The following ADAM19 variants were observed in gnomAD, a reference collection of about 807,000 sequenced individuals.
The protein encoded by ADAM19 is ADAM metallopeptidase domain 19.
Under a neutral mutation model 114.7 loss-of-function variants are expected in ADAM19, and 65 were observed. That is an observed-to-expected ratio of 0.57 (90% CI 0.46 to 0.70). The LOEUF is 0.70. Ranked by LOEUF, ADAM19 falls within the 30% of genes least tolerant of loss-of-function variation. The probability of loss-of-function intolerance (pLI) is 0.00; values close to 1 mark genes in which losing one functional copy is unlikely to be tolerated. For synonymous variants in ADAM19, 466 were observed against 460.5 expected, an observed-to-expected ratio of 1.01 and a Z score of -0.15; for missense variants, 1,063 against 1,204.7, an observed-to-expected ratio of 0.88 and a Z score of 1.74.
intron 8 of ADAM19, among the ~76,000 whole-genome samples, chr5:157,512,535 C>G (rs1258139262): frequency 6.6e-6 from 1 of 152,202 alleles, no homozygotes; most frequent in Non-Finnish European, 1.5e-5. Context: ...CTATATACTA[C>G]TAGCCTACCA....
rs1420557028 is a variant in ADAM19, at chr5:157,477,868, C to T, written c.*3081G>A. On this transcript the variant is annotated 3_prime_UTR_variant, in exon 23 of 23. Transcript: ENST00000257527. ...ACTATGGCAATACAAAAAAACACTC[C>T]AACCAGAAAATCAGCAAGTCTCAGA... 4.3e-6 allele frequency: 2 copies of T among 466,272 alleles called. No homozygotes were observed. The highest frequency in any genetic ancestry group is 7.3e-6 in the Non-Finnish European group (2 of 274,138). The allele number at this position is 466,272 out of a possible 1,614,324, so 28.9% of individuals were successfully genotyped here.
chr5:157,519,016 A>G, intron 6 of ADAM19, 128 bp from the exon 7 acceptor site: 1 of 780,216 alleles, frequency 1.3e-6, no homozygotes, highest in South Asian at 1.5e-5. Flanking sequence ...ATTCGGCACT[A>G]GAGATGTTCT....
chr5:157,534,030 CCTAT>C (rs1756695578), intron 4 of ADAM19, among the ~76,000 whole-genome samples: 1 of 152,146 alleles, frequency 6.6e-6, no homozygotes, highest in African/African-American at 2.4e-5. Context: ...TGCACCTCTT[CCTAT>C]CTTTGAATGG....
intron 3 of ADAM19, among the ~76,000 whole-genome samples, chr5:157,545,286 A>G (rs10056240): frequency 0.19 from 29,624 of 152,086 alleles, 2,864 homozygotes; most frequent in South Asian, 0.25. Context: ...TGAGATAAAC[A>G]GTGGCCCAAC....
intron 15 of ADAM19, 82 bp downstream of exon 15, chr5:157,494,605 C>G: frequency 8.5e-7 from 1 of 1,180,290 alleles, no homozygotes; most frequent in Non-Finnish European, 1.2e-6. Context: ...GCCAGTCACA[C>G]TGCTGAGTTG....
chr5:157,502,296 A>C (rs544979491), intron 12 of ADAM19, among the ~76,000 whole-genome samples: 2 of 152,326 alleles, frequency 1.3e-5, no homozygotes, highest in South Asian at 4.1e-4. Flanking sequence ...AGAAGGAAGG[A>C]GAGAGTTTAC....
chr5:157,507,705 A>T (rs1034807412), intron 9 of ADAM19, among the ~76,000 whole-genome samples: 2 of 152,224 alleles, frequency 1.3e-5, no homozygotes, highest in Non-Finnish European at 2.9e-5. Flanking sequence ...CACAAAGTGC[A>T]GTTGGATGCA....
rs537356259 is a variant in ADAM19, at chr5:157,479,913, C to T, written c.*1036G>A. The stretch of plus-strand genomic sequence containing the variant: ...TTTAGCTTAGAGTAAGGAGGAAGAC[C>T]CCCACCCTGCTGAGGTCACAAAACA... On this transcript the variant is annotated 3_prime_UTR_variant, in exon 23 of 23. Coordinates refer to ENST00000257527, the MANE Select transcript of ADAM19 (RefSeq NM_033274.5). The T allele has an allele frequency of 1.0e-6, 1 of 985,698 alleles. No homozygotes were observed. The highest frequency in any genetic ancestry group is 1.1e-4 in the East Asian group (1 of 8,818). The allele number at this position is 985,698 out of a possible 1,614,324, so 61.1% of individuals were successfully genotyped here.
chr5:157,572,744 A>G (rs899264500), intron 1 of ADAM19, among the ~76,000 whole-genome samples: 2 of 152,216 alleles, frequency 1.3e-5, no homozygotes, highest in African/African-American at 4.8e-5. Context: ...ATATTCATGG[A>G]GGAACAAGAC....
chr5:157,487,230 C>A (rs1754970170), intron 21 of ADAM19, among the ~76,000 whole-genome samples: 1 of 152,142 alleles, frequency 6.6e-6, no homozygotes, highest in Non-Finnish European at 1.5e-5. Flanking sequence ...TTCTCTCTCC[C>A]TGTCAATCTT....
At chr5:157,546,118 C>A (rs537210211) in intron 3 of ADAM19, among the ~76,000 whole-genome samples, 9 of 152,338 alleles carry the variant, frequency 5.9e-5, no homozygotes, top group Admixed American at 5.2e-4. Flanking sequence ...TGGCTTGGCA[C>A]CTGCAGCTCC....
intron 12 of ADAM19, among the ~76,000 whole-genome samples, 176 bp downstream of exon 12, chr5:157,502,627 G>A (rs756045421): frequency 6.6e-6 from 1 of 152,166 alleles, no homozygotes; most frequent in Non-Finnish European, 1.5e-5. Context: ...TAGCAGAGGC[G>A]GCACAAACAC....
chr5:157,530,433 C>T (rs72811321), intron 5 of ADAM19, among the ~76,000 whole-genome samples: 1 of 152,224 alleles, frequency 6.6e-6, no homozygotes. Context: ...TCCAGACTCC[C>T]TCTGCCCGCT....
At chr5:157,551,736 T>C (rs542704250) in intron 3 of ADAM19, among the ~76,000 whole-genome samples, 69 of 151,334 alleles carry the variant, frequency 4.6e-4, no homozygotes, top group African/African-American at 1.6e-3. Flanking sequence ...AAAAAAAAAC[T>C]AATAATCCAA....
chr5:157,570,237 G>A (rs1417432546), intron 2 of ADAM19, among the ~76,000 whole-genome samples: 2 of 152,106 alleles, frequency 1.3e-5, no homozygotes, highest in Admixed American at 1.3e-4. Flanking sequence ...TCCAGCCTGT[G>A]CGACAGAGTG....
chr5:157,497,592 C>CACACACATAT (rs1755407093), intron 13 of ADAM19, among the ~76,000 whole-genome samples: 1 of 151,986 alleles, frequency 6.6e-6, no homozygotes, highest in Admixed American at 6.6e-5. Context: ...CACACACACA[C>CACACACATAT]ACACACAAAA....
intron 1 of ADAM19, chr5:157,572,322 G>C (rs775912728): frequency 2.2e-6 from 1 of 455,290 alleles, no homozygotes; most frequent in Non-Finnish European, 4.4e-6. Flanking sequence ...AACTATAGGA[G>C]AGATTTGTTC....
chr5:157,515,851 G>A (rs1213299596), intron 7 of ADAM19, among the ~76,000 whole-genome samples: 2 of 152,184 alleles, frequency 1.3e-5, no homozygotes, highest in African/African-American at 4.8e-5. Context: ...CCTGGATTCC[G>A]TTCCACCTGG....
intron 11 of ADAM19, among the ~76,000 whole-genome samples, chr5:157,505,189 G>A (rs1245708033): frequency 6.6e-6 from 1 of 151,658 alleles, no homozygotes; most frequent in South Asian, 2.1e-4. Flanking sequence ...GTTCCTCATG[G>A]GTAATGTGGC....
Sources: gnomAD v4.1 joint callset for allele counts (sites outside exome capture counted in the v4.1 genomes callset) on GRCh38, gnomAD v4.1.1 for gene constraint, MANE v1.5 for transcripts, NCBI Gene and HGNC (gene_info 2026-07-23, HGNC 2026-07-21) for gene names.